ADGRL3: variants seen among roughly 807,000 people sequenced by gnomAD.
ADGRL3 encodes the protein calcium-independent alpha-latrotoxin receptor 3.
A neutral mutation model predicts 153.5 loss-of-function variants in ADGRL3; 62 were observed. The observed-to-expected ratio is 0.40, with a 90% CI of 0.33 to 0.50. The LOEUF (loss-of-function observed/expected upper bound fraction) is 0.50. ADGRL3 is among the 20% of genes least tolerant of loss of function. ADGRL3 has a pLI of 0.47. For missense variants in ADGRL3, 1,641 were observed against 1,859.4 expected (o/e 0.88, Z 2.16); for synonymous variants, 710 against 672.5 (o/e 1.06, Z -0.86).
intron 1 of ADGRL3, among the ~76,000 whole-genome samples, chr4:61,361,095 C>G (rs1273878556): frequency 6.6e-6 from 1 of 152,188 alleles, no homozygotes; most frequent in Non-Finnish European, 1.5e-5. Flanking sequence ...CAGTGTTGTT[C>G]TTTCTAACAA....
At chr4:61,451,523 T>C (rs1270690776) in intron 2 of ADGRL3, among the ~76,000 whole-genome samples, 1 of 152,138 alleles carries the variant, frequency 6.6e-6, no homozygotes, top group Non-Finnish European at 1.5e-5. Context: ...AGTTTACTTA[T>C]TAATACATTA....
rs182617350 is a variant in ADGRL3, at chr4:61,376,666, T to A, written c.-239-6458T>A. Among the ~76,000 whole-genome samples, 724 of 152,300 alleles carry A rather than the reference T, an allele frequency of 4.8e-3. 1 individual carries two copies. Among genetic ancestry groups the A allele is most frequent in the Non-Finnish European group, 8.5e-3 (580 of 68,018 alleles). On this transcript the variant is annotated intron_variant, in intron 1 of 26. Transcript: ENST00000683033. ...AAGCCTCCATCAGTCACATCTGCTG[T>A]GTATTTTACCATCTTTTCTCCCTTC... is the stretch of plus-strand genomic sequence containing the variant.
At chr4:61,513,599 A>C (rs2098475345) in intron 3 of ADGRL3, among the ~76,000 whole-genome samples, 1 of 152,186 alleles carries the variant, frequency 6.6e-6, no homozygotes, top group African/African-American at 2.4e-5. Context: ...GCAGAATGAA[A>C]GTGCTTACAT....
In ADGRL3 at chr4:61,847,617, A is replaced by G. The variant is rs2098133773; in HGVS notation, c.1480+33728A>G. On this transcript the variant is annotated intron_variant, in intron 9 of 26. Coordinates refer to ENST00000683033, the MANE Select transcript of ADGRL3 (RefSeq NM_001387552.1). ...ATATATAATATATAATATATTATATATATAATATAAAATATATTATATATA... is the reference window on the plus strand; with the variant it reads ...ATATATAATATATAATATATTATATGTATAATATAAAATATATTATATATA... Among the ~76,000 whole-genome samples the G allele has an allele frequency of 3.1e-5, 2 of 65,420 alleles. 1 individual carries two copies. Among genetic ancestry groups the G allele is most frequent in the African/African-American group, 1.1e-4 (2 of 18,328 alleles). 42.9% of individuals were successfully genotyped at this position (65,420 alleles called of 152,430 possible). A position where few individuals can be genotyped will look rare whatever the true frequency, so the allele number is the denominator to read the frequency against.
intron 10 of ADGRL3, 36 bp from the exon 11 acceptor site, chr4:61,895,695 G>A: frequency 8.7e-7 from 1 of 1,155,816 alleles, no homozygotes; most frequent in South Asian, 1.4e-5. Context: ...GTCATTCTAA[G>A]AAAAAGAAAC....
chr4:61,283,944 C>T (rs1480601832), intron 1 of ADGRL3, among the ~76,000 whole-genome samples: 1 of 151,900 alleles, frequency 6.6e-6, no homozygotes, highest in East Asian at 1.9e-4. Flanking sequence ...TCTAGAACAT[C>T]CCCCTCAATT....
At chr4:61,425,618 C>T (rs1043467527) in intron 2 of ADGRL3, among the ~76,000 whole-genome samples, 2 of 152,214 alleles carry the variant, frequency 1.3e-5, no homozygotes, top group African/African-American at 4.8e-5. Context: ...GTGGCTTCTG[C>T]CCAGGGTGGT....
chr4:61,901,347 G>T (rs1012572716), intron 11 of ADGRL3, among the ~76,000 whole-genome samples: 2 of 152,130 alleles, frequency 1.3e-5, no homozygotes, highest in Admixed American at 1.3e-4. Context: ...TACATCATTT[G>T]ACATTTTACA....
At chr4:61,595,959 T>C (rs2098987397) in intron 5 of ADGRL3, among the ~76,000 whole-genome samples, 1 of 152,076 alleles carries the variant, frequency 6.6e-6, no homozygotes, top group African/African-American at 2.4e-5. Flanking sequence ...CAATGTAAAG[T>C]TTCTCAGTCA....
At chr4:61,666,543 G>A (rs375917735) in intron 5 of ADGRL3, among the ~76,000 whole-genome samples, 18 of 143,092 alleles carry the variant, frequency 1.3e-4, no homozygotes, top group South Asian at 2.2e-4. Context: ...TGTCCCAGAT[G>A]AAAAAAAAAA....
Position 61,614,769 on chromosome 4 carries a change from T to G in ADGRL3, c.473+27329T>G, listed in dbSNP as rs2091808957. 2.0e-5 allele frequency among the ~76,000 whole-genome samples: 3 copies of G among 152,152 alleles called. No homozygotes were observed. The South Asian group carries it at 6.2e-4, about 32-fold the overall frequency. ...CCCGCATCAGACACACTTATTTTACTCCTTTCTTTTGATTTATTTTTCTTC... is the reference window on the plus strand; with the variant it reads ...CCCGCATCAGACACACTTATTTTACGCCTTTCTTTTGATTTATTTTTCTTC... On this transcript the variant is annotated intron_variant, in intron 5 of 26. Coordinates refer to ENST00000683033, the MANE Select transcript of ADGRL3 (RefSeq NM_001387552.1).
chr4:61,875,658 T>G (rs1168151620), intron 9 of ADGRL3, among the ~76,000 whole-genome samples: 1 of 152,226 alleles, frequency 6.6e-6, no homozygotes, highest in African/African-American at 2.4e-5. Flanking sequence ...AGCAAGGTGA[T>G]ACAAATATTG....
At chr4:61,381,293 T>TTGTGTGTGTGTG (rs55767359) in intron 1 of ADGRL3, among the ~76,000 whole-genome samples, 1,645 of 141,440 alleles carry the variant, frequency 0.012, 36 homozygotes, top group African/African-American at 0.034. Context: ...ATAAACAAGT[T>TTGTGTGTGTGTG]TGTGTGTGTG....
intron 5 of ADGRL3, among the ~76,000 whole-genome samples, chr4:61,642,693 T>C (rs1017353474): frequency 2.6e-5 from 4 of 152,226 alleles, no homozygotes; most frequent in African/African-American, 9.6e-5. Context: ...TACTGTAGCC[T>C]TGTAGTATAG....
chr4:61,207,130 A>G (rs1737652260), intron 1 of ADGRL3, among the ~76,000 whole-genome samples: 1 of 152,116 alleles, frequency 6.6e-6, no homozygotes, highest in Non-Finnish European at 1.5e-5. Flanking sequence ...TACACGTGCC[A>G]TGGTGGTTTG....
At chr4:61,348,552 C>G (rs978594003) in intron 1 of ADGRL3, among the ~76,000 whole-genome samples, 19 of 151,910 alleles carry the variant, frequency 1.3e-4, no homozygotes, top group African/African-American at 4.6e-4. Flanking sequence ...AACTTACATT[C>G]TTTGGAAGGT....
At chr4:61,993,234 G>A (rs2099109739) in intron 19 of ADGRL3, among the ~76,000 whole-genome samples, 1 of 127,664 alleles carries the variant, frequency 7.8e-6, no homozygotes. Context: ...CCATGTTTTG[G>A]TTTTGTCCTT....
chr4:61,471,015 G>A (rs569012107), intron 2 of ADGRL3, among the ~76,000 whole-genome samples: 5 of 151,720 alleles, frequency 3.3e-5, no homozygotes, highest in African/African-American at 9.7e-5. Context: ...GTATATATTA[G>A]ATATTTACCA....
intron 21 of ADGRL3, among the ~76,000 whole-genome samples, chr4:62,003,135 T>C (rs2099146235): frequency 6.6e-6 from 1 of 152,170 alleles, no homozygotes; most frequent in Admixed American, 6.6e-5. Context: ...TTGGTGCCTA[T>C]GTGAAGGGAA....
Sources: allele counts gnomAD v4.1 joint callset (sites outside exome capture counted in the v4.1 genomes callset), GRCh38; gene constraint gnomAD v4.1.1; transcripts MANE v1.5; gene names NCBI Gene and HGNC (gene_info 2026-07-23, HGNC 2026-07-21).